Variants in WAPL observed in about 807,000 individuals in gnomAD.
WAPL encodes the protein wings apart-like protein homolog.
Under a neutral mutation model 121.0 loss-of-function variants are expected in WAPL, and 5 were observed. The observed-to-expected ratio is 0.04, with a 90% CI of 0.02 to 0.09. The LOEUF is 0.09. Ranked by LOEUF, WAPL falls within the 10% of genes least tolerant of loss-of-function variation. The pLI, the probability that WAPL is intolerant of heterozygous loss-of-function variation, is 1.00. For synonymous variants in WAPL, 480 were observed against 481.5 expected (o/e 1.00, Z 0.04); for missense variants, 999 against 1,410.8 (o/e 0.71, Z 4.68).
chr10:86,514,267 C>T (rs1842516712), intron 2 of WAPL, among the ~76,000 whole-genome samples: 1 of 152,142 alleles, frequency 6.6e-6, no homozygotes, highest in Admixed American at 6.5e-5. Flanking sequence ...CTATAACAAA[C>T]TTACAAACAT....
rs540462751 is a variant in WAPL at position 86,479,769 on chromosome 10, T to C, written c.1645-5796A>G. ...GAAGAAGTACTGCAATGCATAACTATGTGTGTATGTGTGCACAGTACTTTA... is the reference window on the plus strand; with the variant it reads ...GAAGAAGTACTGCAATGCATAACTACGTGTGTATGTGTGCACAGTACTTTA... On this transcript the variant is annotated intron_variant, in intron 4 of 18. Coordinates refer to ENST00000298767, the MANE Select transcript of WAPL (RefSeq NM_015045.5). Among the ~76,000 whole-genome samples, 15 of 152,294 alleles carry C rather than the reference T, an allele frequency of 9.8e-5. No homozygotes were observed. The South Asian group carries it at 2.9e-3, about 29-fold the overall frequency.
At chr10:86,464,211 A>G (rs1377421872) in intron 9 of WAPL, among the ~76,000 whole-genome samples, 2 of 152,252 alleles carry the variant, frequency 1.3e-5, no homozygotes, top group Non-Finnish European at 2.9e-5. Flanking sequence ...ATTCAAGGAC[A>G]GCTAACATTA....
intron 4 of WAPL, among the ~76,000 whole-genome samples, chr10:86,494,624 T>C (rs1312705378): frequency 1.3e-5 from 2 of 152,234 alleles, no homozygotes; most frequent in Admixed American, 1.3e-4. Flanking sequence ...CGATACTGTA[T>C]AATGAAATGT....
chr10:86,468,740 G>T (rs1272268397), intron 8 of WAPL, among the ~76,000 whole-genome samples: 1 of 151,908 alleles, frequency 6.6e-6, no homozygotes, highest in African/African-American at 2.4e-5. Flanking sequence ...AAGGTGGGCA[G>T]ATCACCTGAG....
intron 4 of WAPL, among the ~76,000 whole-genome samples, chr10:86,476,224 G>T (rs753293884): frequency 6.6e-6 from 1 of 151,738 alleles, no homozygotes; most frequent in Non-Finnish European, 1.5e-5. Context: ...AATTAGCGGG[G>T]CACGGTGGTG....
chr10:86,442,867 G>A lies in WAPL; in HGVS notation c.3411+408C>T, dbSNP rs183439998. Among the ~76,000 whole-genome samples, 555 of 152,020 alleles carry A rather than the reference G, an allele frequency of 3.7e-3. 2 individuals carry two copies. The highest frequency in any genetic ancestry group is 0.012 in the African/African-American group (517 of 41,484). On this transcript the variant is annotated intron_variant, in intron 17 of 18. Coordinates refer to ENST00000298767, the MANE Select transcript of WAPL (RefSeq NM_015045.5). ...AACCTGGCTAACACGATGAATCCCC[G>A]TCTCTACCAAAAAATACAAAAAAAA... is the stretch of plus-strand genomic sequence containing the variant.
chr10:86,468,042 C>A (rs1317837700), intron 8 of WAPL, among the ~76,000 whole-genome samples: 1 of 151,950 alleles, frequency 6.6e-6, no homozygotes, highest in Non-Finnish European at 1.5e-5. Flanking sequence ...TAAAATTTAC[C>A]TTTCAATGGA....
At chr10:86,467,970 G>T (rs774368287) in intron 8 of WAPL, among the ~76,000 whole-genome samples, 3 of 151,958 alleles carry the variant, frequency 2.0e-5, no homozygotes, top group Non-Finnish European at 2.9e-5. Flanking sequence ...GAGCCACCAC[G>T]CCCGGCCCCT....
chr10:86,482,794 A>G (rs1841823317), intron 4 of WAPL, among the ~76,000 whole-genome samples: 1 of 152,242 alleles, frequency 6.6e-6, no homozygotes, highest in Non-Finnish European at 1.5e-5. Flanking sequence ...CATAGGAACA[A>G]AGAGTGGAAA....
intron 4 of WAPL, among the ~76,000 whole-genome samples, chr10:86,486,138 T>TAGTGGATCTCACAATACCACATGATG (rs2132207889): frequency 1.3e-5 from 2 of 152,356 alleles, no homozygotes; most frequent in East Asian, 3.9e-4. Flanking sequence ...CTTGAGAATA[T>TAGTGGATCTCACAATACCACATGATG]AGTGGATCTC....
intron 1 of WAPL, among the ~76,000 whole-genome samples, chr10:86,520,819 C>T (rs920367360): frequency 2.0e-5 from 3 of 151,586 alleles, no homozygotes; most frequent in Non-Finnish European, 4.4e-5. Flanking sequence ...TCACTCCCAC[C>T]CTAATCTAGC....
intron 4 of WAPL, among the ~76,000 whole-genome samples, chr10:86,490,538 T>C (rs1169283385): frequency 6.6e-6 from 1 of 152,126 alleles, no homozygotes; most frequent in Non-Finnish European, 1.5e-5. Flanking sequence ...TAGGTACAAA[T>C]GACTTCAACT....
chr10:86,449,424 T>A (rs1347667791), intron 15 of WAPL, among the ~76,000 whole-genome samples: 1 of 152,074 alleles, frequency 6.6e-6, no homozygotes, highest in African/African-American at 2.4e-5. Flanking sequence ...TTAAACTGAT[T>A]TAAAAATGAC....
chr10:86,455,396 C>A (rs1273339541), intron 12 of WAPL, among the ~76,000 whole-genome samples: 2 of 152,140 alleles, frequency 1.3e-5, no homozygotes, highest in African/African-American at 4.8e-5. Flanking sequence ...ACCCCGTGCT[C>A]TCTGAAACAT....
chr10:86,520,061 C>A (rs992037706), intron 1 of WAPL, among the ~76,000 whole-genome samples: 2 of 152,170 alleles, frequency 1.3e-5, no homozygotes, highest in African/African-American at 4.8e-5. Context: ...TCTGGGAAGC[C>A]AAGACGGGCA....
Position 86,435,913 on chromosome 10 carries a change from G to GTT in WAPL, c.*1628_*1629dup, listed in dbSNP as rs1462759080. On this transcript the variant is annotated 3_prime_UTR_variant, in exon 19 of 19. Transcript: ENST00000298767. ...TTTTACGGGTATCATTTACCAATAT[G>GTT]TTTTTAAAAGTATTTTGCTAAGCTA... The GTT allele has an allele frequency of 1.3e-5, 2 of 152,250 alleles. No individual in the cohort carries two copies. Among genetic ancestry groups the GTT allele is most frequent in the East Asian group, 3.9e-4 (2 of 5,192 alleles). The allele number at this position is 152,250 out of a possible 1,614,324, so 9.4% of individuals were successfully genotyped here.
At chr10:86,456,357 G>A (rs1368238289) in intron 12 of WAPL, among the ~76,000 whole-genome samples, 1 of 148,288 alleles carries the variant, frequency 6.7e-6, no homozygotes, top group Non-Finnish European at 1.5e-5. Flanking sequence ...AGAAATATTT[G>A]TAAGGTAAAG....
At position 86,485,542 on chromosome 10, in the gene WAPL, C is replaced by CA. The variant is rs112633949; in HGVS notation, c.1645-11570dup. ...ACAGAGCGAGACTCCATATCCAAAA[C>CA]AAAAAAAAAGATTAACAGTACTTTC... On this transcript the variant is annotated intron_variant, in intron 4 of 18. Coordinates refer to ENST00000298767, the MANE Select transcript of WAPL (RefSeq NM_015045.5). Among the ~76,000 whole-genome samples, 280 of 148,444 alleles carry CA rather than the reference C, an allele frequency of 1.9e-3. 1 individual carries two copies. Among genetic ancestry groups the CA allele is most frequent in the African/African-American group, 5.8e-3 (234 of 40,514 alleles).
intron 1 of WAPL, among the ~76,000 whole-genome samples, chr10:86,519,162 C>T (rs1842621124): frequency 1.4e-5 from 2 of 143,966 alleles, no homozygotes; most frequent in South Asian, 4.2e-4. Context: ...GGCAGTAAAT[C>T]AAGAGTCAAA....
Sources: gnomAD v4.1 joint callset for allele counts (sites outside exome capture counted in the v4.1 genomes callset) on GRCh38, gnomAD v4.1.1 for gene constraint, MANE v1.5 for transcripts, NCBI Gene and HGNC (gene_info 2026-07-23, HGNC 2026-07-21) for gene names.